Variants in TEX15 observed in about 807,000 individuals in gnomAD.
The protein encoded by TEX15 is testis expressed 15, meiosis and synapsis associated, also known as testis-expressed protein 15.
Under a neutral mutation model 237.3 loss-of-function variants are expected in TEX15, and 171 were observed. The ratio of observed to expected loss-of-function variants is 0.72; its 90% CI spans 0.64 to 0.82. TEX15 has a LOEUF of 0.82. Among genes scored for constraint, TEX15 ranks in the 40% least tolerant of loss-of-function variants. The pLI, the probability that TEX15 is intolerant of heterozygous loss-of-function variation, is 0.00. For missense variants in TEX15, 3,750 were observed against 3,646.5 expected, an observed-to-expected ratio of 1.03 and a Z score of -0.73; for synonymous variants, 1,338 against 1,269.8, an observed-to-expected ratio of 1.05 and a Z score of -1.14.
At chr8:30,888,673 T>C (rs901285798) in intron 2 of TEX15, 1 of 1,288,058 alleles carries the variant, frequency 7.8e-7, no homozygotes, top group African/African-American at 1.5e-5. Flanking sequence ...CTGACACCTA[T>C]CAACTGCTTA....
At chr8:30,896,414 T>C (rs1188811263) in intron 2 of TEX15, among the ~76,000 whole-genome samples, 1 of 152,210 alleles carries the variant, frequency 6.6e-6, no homozygotes, top group East Asian at 1.9e-4. Flanking sequence ...TACCAAATTC[T>C]GTTGGAGAAG....
At position 30,891,621 on chromosome 8, in the gene TEX15, A is replaced by G. The variant is rs186830435; in HGVS notation, c.-9-4310T>C. On this transcript the variant is annotated intron_variant, in intron 2 of 10. Transcript: ENST00000643185. Reference sequence around the variant, plus strand: ...CAGCCTCCCAAGTAGCTGGGACTACAGGCATGTGCCACCACGCCTGGCTAA... The same window carrying G: ...CAGCCTCCCAAGTAGCTGGGACTACGGGCATGTGCCACCACGCCTGGCTAA... Among the ~76,000 whole-genome samples the G allele has an allele frequency of 4.2e-3, 632 of 152,028 alleles. 5 individuals carry two copies. The highest frequency in any genetic ancestry group is 0.014 in the African/African-American group (573 of 41,458).
At position 30,844,836 on chromosome 8, in the gene TEX15, G is replaced by A. The variant is rs778306589; in HGVS notation, c.5331C>T (p.Cys1777=). 6.8e-6 allele frequency: 11 copies of A among 1,613,248 alleles called. No individual in the cohort carries two copies. In the Admixed American group the frequency reaches 1.5e-4, roughly 22 times the overall value. Residue 1777 remains cysteine (C), a synonymous_variant, in exon 8 of 11, where the codon TGC becomes TGT. Coordinates refer to ENST00000643185, the MANE Select transcript of TEX15 (RefSeq NM_001350162.2). ...TTGTTTCATTCCCATCTGTATGGAG[G>A]CAATTACCTGAAGAGCACTGTTCTG... The part of the protein sequence containing the change: ...LKTEQCSSGN[C]LHTDGNETNV...
chr8:30,848,359 A>G lies in TEX15; in HGVS notation c.1808T>C (p.Phe603Ser). ...AATGCTTACTTTCTTTTTGAGTGGA[A>G]AAACTGTAGACGTTTGGCAACCAGT... ...YQTGCQTSTV[F>S]PLKKKVSIDE... is the part of the protein sequence containing the mutation. Residue 603 changes from phenylalanine (F) to serine (S), a missense_variant, in exon 8 of 11, where the codon TTT (phenylalanine) becomes TCT (serine). Physicochemically the swap from Phe to Ser is radical, Grantham distance 155. Transcript: ENST00000643185. 1.2e-6 allele frequency: 2 copies of G among 1,614,116 alleles called. No individual in the cohort carries two copies. Among genetic ancestry groups the G allele is most frequent in the Non-Finnish European group, 1.7e-6 (2 of 1,180,002 alleles).
intron 1 of TEX15, among the ~76,000 whole-genome samples, chr8:30,908,244 G>C (rs1182379876): frequency 6.6e-6 from 1 of 151,878 alleles, no homozygotes; most frequent in Non-Finnish European, 1.5e-5. Flanking sequence ...ATTTTTTGTA[G>C]AGGCAGGGCA....
Position 30,844,687 on chromosome 8 carries a change from C to T in TEX15, c.5480G>A (p.Gly1827Asp), listed in dbSNP as rs1807552009. Reference sequence around the variant, plus strand: ...CACAATACATGTTTCTGAAGAGGAGCCTTTTACATTATCTTTTAAAAGCAG... The same window carrying T: ...CACAATACATGTTTCTGAAGAGGAGTCTTTTACATTATCTTTTAAAAGCAG... ...SSLLLKDNVK[G>D]SSSETCIVKK... Residue 1827 changes from glycine (G) to aspartate (D), a missense_variant, in exon 8 of 11, where the codon GGC becomes GAC. Coordinates refer to ENST00000643185, the MANE Select transcript of TEX15 (RefSeq NM_001350162.2). The T allele has an allele frequency of 6.2e-7, 1 of 1,613,188 alleles. No homozygotes were observed. Among genetic ancestry groups the T allele is most frequent in the East Asian group, 2.2e-5 (1 of 44,862 alleles).
At chr8:30,835,729 T>C (rs1205834179) in intron 10 of TEX15, among the ~76,000 whole-genome samples, 1 of 152,238 alleles carries the variant, frequency 6.6e-6, no homozygotes, top group Non-Finnish European at 1.5e-5. Context: ...CTCTGATAAA[T>C]GCACATTTCA....
In TEX15 at chr8:30,847,569, C is replaced by T. The variant is rs748918842; in HGVS notation, c.2598G>A (p.Glu866=). The T allele has an allele frequency of 6.2e-7, 1 of 1,612,746 alleles. No homozygotes were observed. The highest frequency in any genetic ancestry group is 1.3e-5 in the African/African-American group (1 of 74,920). The change falls in exon 8 of 11, where the codon GAG becomes GAA. Residue 866 remains glutamate (E), a synonymous_variant. Transcript: ENST00000643185. ...CACATGAAGCACTATTCTCTTTAGCCTCATTTTGGTTTTCTCTATCTGTTT... is the reference window on the plus strand; with the variant it reads ...CACATGAAGCACTATTCTCTTTAGCTTCATTTTGGTTTTCTCTATCTGTTT... ...KKQTDRENQN[E]AKENSASCVE...
intron 7 of TEX15, among the ~76,000 whole-genome samples, chr8:30,853,826 A>G (rs1807840852): frequency 6.6e-6 from 1 of 152,208 alleles, no homozygotes; most frequent in Non-Finnish European, 1.5e-5. Context: ...TTCCAACTAC[A>G]ATGGAATGAA....
At chr8:30,865,725 G>A (rs970893926) in intron 5 of TEX15, among the ~76,000 whole-genome samples, 4 of 152,088 alleles carry the variant, frequency 2.6e-5, no homozygotes, top group African/African-American at 7.2e-5. Flanking sequence ...ATTAGATGCT[G>A]AAAAAGCAAT....
At chr8:30,836,522 G>A (rs145468403) in intron 10 of TEX15, among the ~76,000 whole-genome samples, 180 of 152,032 alleles carry the variant, frequency 1.2e-3, no homozygotes, top group Non-Finnish European at 2.2e-3. Flanking sequence ...CCACTGTATC[G>A]ATTAACTATA....
At chr8:30,883,110 TTCTC>T (rs1297458018) in intron 3 of TEX15, among the ~76,000 whole-genome samples, 1 of 152,160 alleles carries the variant, frequency 6.6e-6, no homozygotes, top group Non-Finnish European at 1.5e-5. Flanking sequence ...TTATTTTTCT[TTCTC>T]TATCTTTTTT....
intron 5 of TEX15, among the ~76,000 whole-genome samples, chr8:30,863,661 G>A (rs911793737): frequency 6.6e-6 from 1 of 151,084 alleles, no homozygotes; most frequent in African/African-American, 2.4e-5. Flanking sequence ...CCCCTATTTT[G>A]CAGCCAGACA....
intron 2 of TEX15, among the ~76,000 whole-genome samples, chr8:30,895,676 CTTTTTTTTTTTT>C (rs34002027): frequency 2.0e-4 from 12 of 60,048 alleles, no homozygotes; most frequent in African/African-American, 5.7e-4. Flanking sequence ...TAAACACATG[CTTTTTTTTTTTT>C]TTTTTTTTTT....
chr8:30,840,915 T>G (rs1212992115), intron 8 of TEX15, among the ~76,000 whole-genome samples: 1 of 152,082 alleles, frequency 6.6e-6, no homozygotes, highest in African/African-American at 2.4e-5. Context: ...AATTTAAAAA[T>G]TATATATATA....
In TEX15 at chr8:30,881,631, T is replaced by A. The variant is rs1015271814; in HGVS notation, c.136+5536A>T. ...TTGACTTTTTATTTTTTTTTATTATTTTTTTTTTTTGAGACAGTCTTGCTC... is the reference window on the plus strand; with the variant it reads ...TTGACTTTTTATTTTTTTTTATTATATTTTTTTTTTGAGACAGTCTTGCTC... On this transcript the variant is annotated intron_variant, in intron 3 of 10. Transcript: ENST00000643185. Among the ~76,000 whole-genome samples the A allele has an allele frequency of 2.1e-4, 29 of 140,572 alleles. 2 individuals carry two copies. The highest frequency in any genetic ancestry group is 3.6e-3 in the Middle Eastern group (1 of 280). The allele number at this position is 140,572 out of a possible 152,430, so 92.2% of individuals were successfully genotyped here.
intron 2 of TEX15, among the ~76,000 whole-genome samples, chr8:30,894,347 A>T (rs1457299653): frequency 6.6e-6 from 1 of 152,186 alleles, no homozygotes; most frequent in African/African-American, 2.4e-5. Context: ...TCCGTATTTG[A>T]TAATTCCAAC....
intron 7 of TEX15, among the ~76,000 whole-genome samples, chr8:30,850,910 C>T (rs1807768941): frequency 6.6e-6 from 1 of 151,888 alleles, no homozygotes; most frequent in South Asian, 2.1e-4. Flanking sequence ...AAAGATGCCC[C>T]AACCCCACTA....
rs573671713 is a variant in TEX15 at position 30,846,199 on chromosome 8, A to G, written c.3968T>C (p.Ile1323Thr). Residue 1323 changes from isoleucine to threonine, a missense_variant, in exon 8 of 11, where the codon ATT becomes ACT. Coordinates refer to ENST00000643185, the MANE Select transcript of TEX15 (RefSeq NM_001350162.2). ...GGTTAGCCTCCTCTTTCTCCCATAA[A>G]TTTTATGTCGTCTTAAATCTTTATG... ...IPHKDLRRHK[I>T]YGRKRRLTSQ... 1 of 1,613,170 alleles carries G rather than the reference A, an allele frequency of 6.2e-7. No homozygotes were observed. The highest frequency in any genetic ancestry group is 2.2e-5 in the East Asian group (1 of 44,850).
Sources: gnomAD v4.1 joint callset for allele counts (sites outside exome capture counted in the v4.1 genomes callset) on GRCh38, gnomAD v4.1.1 for gene constraint, MANE v1.5 for transcripts, NCBI Gene and HGNC (gene_info 2026-07-23, HGNC 2026-07-21) for gene names.